The following CTNNA3 variants were observed in gnomAD, a reference collection of about 807,000 sequenced individuals.
The protein encoded by CTNNA3 is catenin alpha-3.
Under a neutral mutation model 95.7 loss-of-function variants are expected in CTNNA3, and 76 were observed. The observed-to-expected ratio is 0.79, with a 90% CI of 0.66 to 0.96. The LOEUF is 0.96. Among genes scored for constraint, CTNNA3 ranks in the 40% least tolerant of loss-of-function variants. CTNNA3 has a pLI of 0.00. For missense variants in CTNNA3, 1,191 were observed against 1,089.8 expected, an observed-to-expected ratio of 1.09 and a Z score of -1.31; for synonymous variants, 431 against 374.4, an observed-to-expected ratio of 1.15 and a Z score of -1.74.
chr10:65,946,652 G>T (rs2077521040), intron 17 of CTNNA3, among the ~76,000 whole-genome samples: 2 of 152,064 alleles, frequency 1.3e-5, no homozygotes, highest in South Asian at 4.1e-4. Context: ...ATTATTTAGT[G>T]CAAATTTTCT....
At chr10:67,719,934 T>G (rs1191588026) in intron 1 of CTNNA3, among the ~76,000 whole-genome samples, 1 of 151,972 alleles carries the variant, frequency 6.6e-6, no homozygotes, top group East Asian at 1.9e-4. Flanking sequence ...TGTGGAAATC[T>G]AAGTCTCTTT....
intron 10 of CTNNA3, among the ~76,000 whole-genome samples, chr10:66,605,666 A>G (rs945108270): frequency 6.6e-5 from 10 of 152,188 alleles, no homozygotes; most frequent in African/African-American, 2.4e-4. Context: ...ACATTCTTAT[A>G]GAAAGGAAAT....
chr10:66,685,317 G>GTA (rs1411053380), intron 9 of CTNNA3, among the ~76,000 whole-genome samples: 8 of 44,516 alleles, frequency 1.8e-4, no homozygotes, highest in Admixed American at 3.8e-4. Context: ...ATGTGTGTGT[G>GTA]TATGTGTGTA....
intron 6 of CTNNA3, among the ~76,000 whole-genome samples, chr10:67,203,300 G>A (rs374818130): frequency 1.3e-5 from 2 of 152,106 alleles, no homozygotes; most frequent in Non-Finnish European, 2.9e-5. Context: ...GGGAGTTCCC[G>A]TGAACACGCT....
chr10:67,338,568 GA>G (rs960439678), intron 5 of CTNNA3, among the ~76,000 whole-genome samples: 11 of 150,678 alleles, frequency 7.3e-5, no homozygotes, highest in South Asian at 2.1e-4. Flanking sequence ...GAAAATAACA[GA>G]AAAAAAAATT....
intron 9 of CTNNA3, among the ~76,000 whole-genome samples, chr10:66,665,135 C>A (rs1258578666): frequency 6.6e-6 from 1 of 152,176 alleles, no homozygotes. Flanking sequence ...CTCTTGCCAT[C>A]ATATCATGGT....
At chr10:66,529,723 C>T (rs1841400482) in intron 10 of CTNNA3, among the ~76,000 whole-genome samples, 1 of 152,036 alleles carries the variant, frequency 6.6e-6, no homozygotes, top group African/African-American at 2.4e-5. Context: ...TTTTCATCCC[C>T]TGAGAAAGAT....
chr10:66,608,879 G>A (rs1379982316), intron 10 of CTNNA3, among the ~76,000 whole-genome samples: 1 of 152,026 alleles, frequency 6.6e-6, no homozygotes, highest in African/African-American at 2.4e-5. Flanking sequence ...ACAGGAATGG[G>A]CAAAGATTTC....
intron 7 of CTNNA3, among the ~76,000 whole-genome samples, chr10:66,823,650 A>C (rs1842380106): frequency 1.3e-5 from 2 of 152,348 alleles, no homozygotes; most frequent in South Asian, 2.1e-4. Flanking sequence ...TAAGTATTAA[A>C]AATAACAATA....
intron 7 of CTNNA3, among the ~76,000 whole-genome samples, chr10:67,033,809 C>A (rs1039167427): frequency 1.3e-4 from 20 of 152,046 alleles, no homozygotes; most frequent in African/African-American, 4.6e-4. Flanking sequence ...CTCACTCTGT[C>A]GCCCAGGCTG....
chr10:67,733,252 C>T (rs1456352367), intron 1 of CTNNA3, among the ~76,000 whole-genome samples: 2 of 151,874 alleles, frequency 1.3e-5, no homozygotes, highest in East Asian at 1.9e-4. Flanking sequence ...ATGAAATGAC[C>T]CACATAAATT....
chr10:66,025,218 A>G (rs10996833), intron 15 of CTNNA3, among the ~76,000 whole-genome samples: 16,893 of 152,296 alleles, frequency 0.11, 1,075 homozygotes, highest in Non-Finnish European at 0.15. Context: ...TGGTTAGAGC[A>G]TTGGGTTAAT....
rs923521177 is a variant in CTNNA3, at chr10:67,054,071, T to C, written c.1047+126246A>G. ...ATCTTTGCAGATTACAGACACTTAGTATTTACCGTTTCAAAAGTAAGCAGC... is the reference window on the plus strand; with the variant it reads ...ATCTTTGCAGATTACAGACACTTAGCATTTACCGTTTCAAAAGTAAGCAGC... On this transcript the variant is annotated intron_variant, in intron 7 of 17. Transcript: ENST00000433211. Among the ~76,000 whole-genome samples the C allele has an allele frequency of 5.9e-5, 9 of 152,186 alleles. 1 individual carries two copies. The highest frequency in any genetic ancestry group is 3.9e-4 in the Admixed American group (6 of 15,272).
chr10:66,536,467 G>A (rs1272005212), intron 10 of CTNNA3, among the ~76,000 whole-genome samples: 1 of 116,682 alleles, frequency 8.6e-6, no homozygotes, highest in Non-Finnish European at 1.8e-5. Flanking sequence ...GGTCAACAGA[G>A]CAAGACTCTG....
intron 9 of CTNNA3, among the ~76,000 whole-genome samples, chr10:66,624,725 CATTTAACCCCACTCTCTA>C (rs1279568577): frequency 6.6e-6 from 1 of 152,132 alleles, no homozygotes; most frequent in Non-Finnish European, 1.5e-5. Flanking sequence ...CATTTTGTGA[CATTTAACCCCACTCTCTA>C]ATCTTATATT....
At chr10:66,804,292 T>C (rs1048078501) in intron 7 of CTNNA3, among the ~76,000 whole-genome samples, 2 of 152,048 alleles carry the variant, frequency 1.3e-5, no homozygotes, top group African/African-American at 4.8e-5. Flanking sequence ...TTATTTTGTT[T>C]ATTAAATCGT....
intron 7 of CTNNA3, among the ~76,000 whole-genome samples, chr10:66,836,856 C>A (rs998916688): frequency 1.3e-5 from 2 of 151,934 alleles, no homozygotes; most frequent in African/African-American, 4.8e-5. Flanking sequence ...TTCTGTGTTG[C>A]CTCGGTGAAA....
At chr10:66,490,758 G>C (rs1463507893) in intron 11 of CTNNA3, among the ~76,000 whole-genome samples, 1 of 152,146 alleles carries the variant, frequency 6.6e-6, no homozygotes, top group Non-Finnish European at 1.5e-5. Context: ...CATGTGTGTA[G>C]TTCGCATCTT....
At chr10:66,196,538 GTCT>G (rs1176953601) in intron 13 of CTNNA3, among the ~76,000 whole-genome samples, 3 of 152,186 alleles carry the variant, frequency 2.0e-5, no homozygotes, top group Non-Finnish European at 4.4e-5. Context: ...AACTCTAGAT[GTCT>G]TCTTCCCTCC....
Sources: gnomAD v4.1 joint callset for allele counts (sites outside exome capture counted in the v4.1 genomes callset) on GRCh38, gnomAD v4.1.1 for gene constraint, MANE v1.5 for transcripts, NCBI Gene and HGNC (gene_info 2026-07-23, HGNC 2026-07-21) for gene names.